CPEB1: variants seen among roughly 807,000 people sequenced by gnomAD.
The protein encoded by CPEB1 is cytoplasmic polyadenylation element binding protein 1.
A neutral mutation model predicts 65.8 loss-of-function variants in CPEB1; 7 were observed. The observed-to-expected ratio is 0.11, with a 90% CI of 0.06 to 0.20. The LOEUF is 0.20. Among genes scored for constraint, CPEB1 ranks in the 10% least tolerant of loss-of-function variants. The pLI, the probability that CPEB1 is intolerant of heterozygous loss-of-function variation, is 1.00. For synonymous variants in CPEB1, 262 were observed against 260.0 expected (o/e 1.01, Z -0.08); for missense variants, 551 against 712.2 (o/e 0.77, Z 2.58).
rs2034847183 is a variant in CPEB1, at chr15:82,544,692, T to C, written c.1667A>G (p.Lys556Arg). ...GTGCCAGCAGCTCCGGCAGAAGTAT[T>C]TGAAGCAGACCTGGGTTGGGGGAAC... ...PFFCRDQVCFKYFCRSCWHWR... is the reference protein window; with the variant it reads ...PFFCRDQVCFRYFCRSCWHWR... Residue 556 changes from lysine to arginine, a missense_variant, in exon 13 of 13, where the codon AAA becomes AGA. Physicochemically the swap from Lys to Arg is conservative, Grantham distance 26. Coordinates refer to ENST00000684509, the MANE Select transcript of CPEB1 (RefSeq NM_001365242.1). 1.2e-6 allele frequency: 2 copies of C among 1,613,114 alleles called. No homozygotes were observed. The highest frequency in any genetic ancestry group is 1.3e-5 in the African/African-American group (1 of 74,894).
intron 3 of CPEB1, among the ~76,000 whole-genome samples, chr15:82,602,539 T>C (rs1360502546): frequency 6.6e-6 from 1 of 152,060 alleles, no homozygotes; most frequent in Admixed American, 6.6e-5. Flanking sequence ...AGATCCTGCA[T>C]CCAGAAATAT....
intron 2 of CPEB1, chr15:82,628,039 T>C (rs2045920757): frequency 1.7e-6 from 1 of 604,818 alleles, no homozygotes. Flanking sequence ...TAAAGACCTT[T>C]AAGGCTCATT....
chr15:82,626,365 T>C (rs4779036), intron 3 of CPEB1, among the ~76,000 whole-genome samples: 103,806 of 151,520 alleles, frequency 0.69, 36,267 homozygotes, highest in African/African-American at 0.84. Flanking sequence ...ACCAGGGAGT[T>C]GGAGGTTGCA....
At chr15:82,610,740 C>G (rs889755187) in intron 3 of CPEB1, among the ~76,000 whole-genome samples, 10 of 151,594 alleles carry the variant, frequency 6.6e-5, no homozygotes, top group Admixed American at 5.3e-4. Flanking sequence ...GGTGGATCAC[C>G]TGAGGTCAGG....
Position 82,556,076 on chromosome 15 carries a change from C to G in CPEB1, c.734G>C (p.Gly245Ala), listed in dbSNP as rs1199822461. 6.2e-7 allele frequency: 1 copy of G among 1,610,280 alleles called. No individual in the cohort carries two copies. Among genetic ancestry groups the G allele is most frequent in the Non-Finnish European group, 8.5e-7 (1 of 1,178,398 alleles). ...CTTTAAAGGGTCTCTGGGACCACCC[C>G]CTGACAGAGACAGGAAGGGCAGAGG... ...SPPLPFLSLS[G>A]GGPRDPLKMG... The change falls in exon 6 of 13, where the codon GGG becomes GCG. Residue 245 changes from glycine (G) to alanine (A), a missense_variant. By Grantham distance (60) the Gly-to-Ala change is moderately conservative. Transcript: ENST00000684509.
chr15:82,572,893 C>T, intron 3 of CPEB1: 1 of 771,496 alleles, frequency 1.3e-6, no homozygotes, highest in Non-Finnish European at 1.9e-6. Flanking sequence ...TCCGCCATTT[C>T]CTCTTTGCCA....
chr15:82,604,904 G>A (rs2043426988), intron 3 of CPEB1, among the ~76,000 whole-genome samples: 1 of 152,076 alleles, frequency 6.6e-6, no homozygotes, highest in African/African-American at 2.4e-5. Flanking sequence ...AAAATCCAAT[G>A]AACTGCAAGT....
In CPEB1 at chr15:82,543,364, G is replaced by A. The variant is rs967573288; in HGVS notation, c.*1228C>T. The A allele has an allele frequency of 4.6e-5, 7 of 151,314 alleles. No individual in the cohort carries two copies. The highest frequency in any genetic ancestry group is 1.5e-4 in the African/African-American group (6 of 41,022). The allele number at this position is 151,314 out of a possible 1,614,324, so 9.4% of individuals were successfully genotyped here. A position where few individuals can be genotyped will look rare whatever the true frequency, so the allele number is the denominator to read the frequency against. On this transcript the variant is annotated 3_prime_UTR_variant, in exon 13 of 13. Transcript: ENST00000684509. ...TAGCTGGGATATGCAACAATGCAAC[G>A]TCAGCTCAGCAGGAGGGAGGGGTTA...
At chr15:82,555,189 C>A (rs2036979821) in intron 6 of CPEB1, among the ~76,000 whole-genome samples, 1 of 152,218 alleles carries the variant, frequency 6.6e-6, no homozygotes, top group African/African-American at 2.4e-5. Context: ...ATTTTTTAAA[C>A]CTTTTAAAAT....
rs1452490455 is a variant in CPEB1 at position 82,571,354 on chromosome 15, G to A, written c.450C>T (p.Ser150=). The change falls in exon 4 of 13, where the codon AGC becomes AGT. Residue 150 remains serine (S), a synonymous_variant. Coordinates refer to ENST00000684509, the MANE Select transcript of CPEB1 (RefSeq NM_001365242.1). ...TQDSDSSAQS[S]THSVLSMLHN... ...TTCTCTGGCACTCACCCGAGTGTGT[G>A]CTGCTCTGGGCTGAGGAATCTGAGT... is the stretch of plus-strand genomic sequence containing the variant. 5.6e-6 allele frequency: 9 copies of A among 1,613,200 alleles called. No individual in the cohort carries two copies. The highest frequency in any genetic ancestry group is 7.6e-6 in the Non-Finnish European group (9 of 1,179,644).
At position 82,606,340 on chromosome 15, in the gene CPEB1, T is replaced by C. The variant is rs181213497; in HGVS notation, c.271+20853A>G. On this transcript the variant is annotated intron_variant, in intron 3 of 12. Transcript: ENST00000684509. ...CAAAAAAATTAGCCGGGCATGGTGATGGGTACCTGGTATCCCAGCTACTCA... is the reference window on the plus strand; with the variant it reads ...CAAAAAAATTAGCCGGGCATGGTGACGGGTACCTGGTATCCCAGCTACTCA... 2.1e-3 allele frequency among the ~76,000 whole-genome samples: 321 copies of C among 151,500 alleles called. 1 individual carries two copies. The highest frequency in any genetic ancestry group is 0.014 in the Middle Eastern group (4 of 290).
At chr15:82,546,823 T>C (rs1001276757) in intron 11 of CPEB1, among the ~76,000 whole-genome samples, 3 of 152,098 alleles carry the variant, frequency 2.0e-5, no homozygotes, top group South Asian at 4.1e-4. Context: ...CAATTAGCAG[T>C]ATAGGCAAGT....
Position 82,641,296 on chromosome 15 carries a change from C to A in CPEB1, c.-98+5841G>T, listed in dbSNP as rs978752718. Among the ~76,000 whole-genome samples, 3 of 152,190 alleles carry A rather than the reference C, an allele frequency of 2.0e-5. No individual in the cohort carries two copies. In the South Asian group the frequency reaches 6.2e-4, roughly 32 times the overall value. On this transcript the variant is annotated intron_variant, in intron 1 of 12. Coordinates refer to ENST00000684509, the MANE Select transcript of CPEB1 (RefSeq NM_001365242.1). Reference sequence around the variant, plus strand: ...AAAGGGCAGACACATGGGAGACAGACAGATGGTGTCAGGGCCAGAACCCAG... The same window carrying A: ...AAAGGGCAGACACATGGGAGACAGAAAGATGGTGTCAGGGCCAGAACCCAG...
At chr15:82,606,256 T>C (rs980878662) in intron 3 of CPEB1, among the ~76,000 whole-genome samples, 1 of 144,190 alleles carries the variant, frequency 6.9e-6, no homozygotes, top group Non-Finnish European at 1.5e-5. Flanking sequence ...TCACTTGAGT[T>C]CAGGGGTTTG....
chr15:82,567,622 TGA>T (rs1387807854), intron 4 of CPEB1, among the ~76,000 whole-genome samples: 1 of 149,590 alleles, frequency 6.7e-6, no homozygotes, highest in Non-Finnish European at 1.5e-5. Context: ...GTCGACAGAG[TGA>T]GACTCCATCT....
intron 3 of CPEB1, among the ~76,000 whole-genome samples, chr15:82,607,893 A>C (rs2043775470): frequency 6.6e-6 from 1 of 152,244 alleles, no homozygotes; most frequent in Non-Finnish European, 1.5e-5. Context: ...CTATTGCTGG[A>C]AACATCAATA....
At position 82,595,628 on chromosome 15, in the gene CPEB1, A is replaced by C. The variant is rs77836448; in HGVS notation, c.272-24096T>G. Among the ~76,000 whole-genome samples the C allele has an allele frequency of 2.3e-3, 356 of 152,368 alleles. 3 individuals are homozygous for C. The highest frequency in any genetic ancestry group is 8.2e-3 in the African/African-American group (340 of 41,592). ...ACAACTTACTGGTCAACTTTGGAGA[A>C]TGCTAGACAATCAGCTCAATATTAT... is the stretch of plus-strand genomic sequence containing the variant. On this transcript the variant is annotated intron_variant, in intron 3 of 12. Transcript: ENST00000684509.
chr15:82,566,417 ATC>A (rs1213516638), intron 4 of CPEB1, among the ~76,000 whole-genome samples: 2 of 152,170 alleles, frequency 1.3e-5, no homozygotes, highest in Admixed American at 6.5e-5. Context: ...CTTACTCAGG[ATC>A]TCTCTGAAGG....
chr15:82,556,090 G>T lies in CPEB1; in HGVS notation c.720C>A (p.Phe240Leu). 2 of 1,610,284 alleles carry T rather than the reference G, an allele frequency of 1.2e-6. No individual in the cohort carries two copies. Among genetic ancestry groups the T allele is most frequent in the Non-Finnish European group, 1.7e-6 (2 of 1,178,468 alleles). ...SSLRISPPLP[F>L]LSLSGGGPRD... ...TGGGACCACCCCCTGACAGAGACAG[G>T]AAGGGCAGAGGTGGAGAAATGCGAA... The change falls in exon 6 of 13, where the codon TTC becomes TTA. Residue 240 changes from phenylalanine (F) to leucine (L), a missense_variant. Physicochemically the swap from Phe to Leu is conservative, Grantham distance 22 (BLOSUM62 0). Around this residue, in one of 6 missense-constraint regions of CPEB1, gnomAD observed 128 missense variants for 129.1 expected, o/e 0.99. Transcript: ENST00000684509.
Sources: allele counts gnomAD v4.1 joint callset (sites outside exome capture counted in the v4.1 genomes callset), GRCh38; gene constraint gnomAD v4.1.1; regional missense constraint gnomAD v4.1.1; transcripts MANE v1.5; gene names NCBI Gene and HGNC (gene_info 2026-07-23, HGNC 2026-07-21).